ZNF678: variants seen among roughly 807,000 people sequenced by gnomAD.
ZNF678 encodes the protein zinc finger protein 678.
A neutral mutation model predicts 3.0 loss-of-function variants in ZNF678; 5 were observed. The ratio of observed to expected loss-of-function variants is 1.69; its 90% CI spans 0.88 to 3.56. ZNF678 has a LOEUF of 3.56. ZNF678 is among the 30% of genes most tolerant of loss of function. The pLI, the probability that ZNF678 is intolerant of heterozygous loss-of-function variation, is 0.00. For missense variants in ZNF678, 593 were observed against 605.0 expected (o/e 0.98, Z 0.21); for synonymous variants, 218 against 199.6 (o/e 1.09, Z -0.78).
rs187154843 is a variant in ZNF678 at position 227,591,254 on chromosome 1, G to A, written c.-164+27530G>A. Among the ~76,000 whole-genome samples, 6 of 147,666 alleles carry A rather than the reference G, an allele frequency of 4.1e-5. 1 individual carries two copies. Among genetic ancestry groups the A allele is most frequent in the Admixed American group, 4.1e-4 (6 of 14,812 alleles). ...GCTCTATCAATTTTTAGGGTTACAC[G>A]TTCCCCTTTTTTCTAACGAGGATTA... On this transcript the variant is annotated intron_variant, in intron 1 of 3. Coordinates refer to ENST00000343776, the MANE Select transcript of ZNF678 (RefSeq NM_001367909.1).
intron 3 of ZNF678, among the ~76,000 whole-genome samples, chr1:227,653,460 A>G (rs12135976): frequency 0.21 from 31,589 of 151,890 alleles, 3,422 homozygotes; most frequent in East Asian, 0.25. Context: ...TAATTTATAC[A>G]TATTTATTTT....
intron 1 of ZNF678, among the ~76,000 whole-genome samples, chr1:227,599,352 C>A (rs1164876954): frequency 6.6e-6 from 1 of 152,190 alleles, no homozygotes; most frequent in East Asian, 1.9e-4. Flanking sequence ...GAAACCAGGC[C>A]AGAGAGAAGG....
At chr1:227,678,880 A>G (rs150686125), downstream of ZNF678, among the ~76,000 whole-genome samples, 790 of 152,316 alleles carry the variant, frequency 5.2e-3, 8 homozygotes, top group African/African-American at 0.018. Flanking sequence ...AAAATGGAAA[A>G]TGGAAAAAAT....
intron 1 of ZNF678, among the ~76,000 whole-genome samples, chr1:227,621,033 C>T (rs11581704): frequency 0.22 from 33,468 of 151,926 alleles, 4,135 homozygotes; most frequent in African/African-American, 0.33. Flanking sequence ...AGAAGGATTG[C>T]TTAATCTCAG....
At position 227,646,589 on chromosome 1, in the gene ZNF678, G is replaced by A. The variant is rs1038128968; in HGVS notation, c.-118G>A. 7.3e-7 allele frequency: 1 copy of A among 1,372,090 alleles called. No homozygotes were observed. Among genetic ancestry groups the A allele is most frequent in the Non-Finnish European group, 9.8e-7 (1 of 1,024,582 alleles). 85.0% of individuals were successfully genotyped at this position (1,372,090 alleles called of 1,614,324 possible). The stretch of plus-strand genomic sequence containing the variant: ...TGTGGTCATAGAATTCTCTCCAGAG[G>A]AGTGGGCATGCCTGGACCCTGCCCA... On this transcript the variant is annotated 5_prime_UTR_variant, in exon 2 of 4. Coordinates refer to ENST00000343776, the MANE Select transcript of ZNF678 (RefSeq NM_001367909.1).
downstream of ZNF678, among the ~76,000 whole-genome samples, chr1:227,662,662 C>A (rs942031482): frequency 6.6e-6 from 1 of 152,164 alleles, no homozygotes; most frequent in Admixed American, 6.6e-5. Flanking sequence ...CAAGGAATTA[C>A]ATGAGTTTCT....
intron 1 of ZNF678, among the ~76,000 whole-genome samples, chr1:227,641,048 C>T (rs1360879167): frequency 6.6e-6 from 1 of 152,242 alleles, no homozygotes; most frequent in Non-Finnish European, 1.5e-5. Context: ...GGATTTTCCC[C>T]TGCTAACCAG....
chr1:227,664,281 GA>G (rs1335111801), downstream of ZNF678, among the ~76,000 whole-genome samples: 2 of 152,158 alleles, frequency 1.3e-5, no homozygotes, highest in Non-Finnish European at 2.9e-5. Context: ...TCACATCCAA[GA>G]AGACAAAATT....
At chr1:227,631,844 T>G (rs1400007883) in intron 1 of ZNF678, among the ~76,000 whole-genome samples, 1 of 152,236 alleles carries the variant, frequency 6.6e-6, no homozygotes, top group Non-Finnish European at 1.5e-5. Flanking sequence ...GTGAGAGAGA[T>G]AATTCCTCTC....
intron 1 of ZNF678, among the ~76,000 whole-genome samples, chr1:227,634,381 C>T (rs1005304597): frequency 1.3e-5 from 2 of 152,178 alleles, no homozygotes; most frequent in Non-Finnish European, 2.9e-5. Context: ...ATGTGAGGCA[C>T]CAGCTTGGCC....
chr1:227,614,084 C>T (rs766242602), intron 1 of ZNF678, among the ~76,000 whole-genome samples: 4 of 152,156 alleles, frequency 2.6e-5, no homozygotes, highest in Non-Finnish European at 4.4e-5. Context: ...CATCATGTTC[C>T]TCATGTAGAG....
Position 227,654,394 on chromosome 1 carries a change from C to A in ZNF678, c.144C>A (p.Cys48Ter). 6.2e-7 allele frequency: 1 copy of A among 1,605,324 alleles called. No individual in the cohort carries two copies. Among genetic ancestry groups the A allele is most frequent in the Non-Finnish European group, 8.5e-7 (1 of 1,176,424 alleles). The change falls in exon 4 of 4, where the codon TGC becomes TGA. Residue 48 changes from cysteine (C) to a stop codon, truncating the protein, a stop_gained. Coordinates refer to ENST00000343776, the MANE Select transcript of ZNF678 (RefSeq NM_001367909.1). LOFTEE classifies it low-confidence loss of function (END_TRUNC). ...LLPEQDMKDLCQKVTLTRHRS... is the reference protein window; with the variant it reads ...LLPEQDMKDL ...CAGAGCAGGATATGAAAGATTTATGCCAAAAAGTGACACTGACAAGACATA... is the reference window on the plus strand; with the variant it reads ...CAGAGCAGGATATGAAAGATTTATGACAAAAAGTGACACTGACAAGACATA...
intron 2 of ZNF678, among the ~76,000 whole-genome samples, chr1:227,649,220 CAG>C (rs1295901504): frequency 1.3e-5 from 2 of 152,168 alleles, no homozygotes; most frequent in African/African-American, 2.4e-5. Context: ...GTTATATACA[CAG>C]AACTGGGATT....
chr1:227,620,394 G>A (rs776160988), intron 1 of ZNF678, among the ~76,000 whole-genome samples: 2 of 151,922 alleles, frequency 1.3e-5, no homozygotes, highest in Middle Eastern at 3.4e-3. Context: ...TGTTGCCTTC[G>A]TCTTTTGCAC....
At chr1:227,565,022 C>T (rs1045750799) in intron 1 of ZNF678, among the ~76,000 whole-genome samples, 5 of 149,834 alleles carry the variant, frequency 3.3e-5, no homozygotes, top group Non-Finnish European at 5.9e-5. Flanking sequence ...CGTGAGCCAC[C>T]ACGCCTGGCC....
chr1:227,629,273 A>G (rs1458917270), intron 1 of ZNF678, among the ~76,000 whole-genome samples: 2 of 152,128 alleles, frequency 1.3e-5, no homozygotes, highest in African/African-American at 2.4e-5. Context: ...ACTCGTCCAT[A>G]TTGTCCTTCT....
Position 227,563,603 on chromosome 1 carries a change from T to C in ZNF678, c.-285T>C, listed in dbSNP as rs1477156375. ...AGCTTTGGTCCCGTATTCTCGGCTA[T>C]TTATCCCCAGCTGCGGGAGGCCCTG... On this transcript the variant is annotated 5_prime_UTR_variant, in exon 1 of 4. Transcript: ENST00000343776. The C allele has an allele frequency of 4.6e-6, 5 of 1,087,790 alleles. No individual in the cohort carries two copies. The highest frequency in any genetic ancestry group is 6.3e-6 in the Non-Finnish European group (5 of 790,402). 67.4% of individuals were successfully genotyped at this position (1,087,790 alleles called of 1,614,324 possible). A position where few individuals can be genotyped will look rare whatever the true frequency, so the allele number is the denominator to read the frequency against.
chr1:227,636,984 C>T (rs1035146725), intron 1 of ZNF678, among the ~76,000 whole-genome samples: 18 of 152,084 alleles, frequency 1.2e-4, no homozygotes, highest in Non-Finnish European at 5.9e-5. Context: ...CAAGTGAGGG[C>T]GATGAGTTCA....
chr1:227,568,152 G>A (rs1334364127), intron 1 of ZNF678, among the ~76,000 whole-genome samples: 3 of 152,158 alleles, frequency 2.0e-5, no homozygotes, highest in African/African-American at 4.8e-5. Flanking sequence ...TTTATGCCTA[G>A]TGTTCCATTA....
Sources: allele counts gnomAD v4.1 joint callset (sites outside exome capture counted in the v4.1 genomes callset), GRCh38; gene constraint gnomAD v4.1.1; transcripts MANE v1.5; gene names NCBI Gene and HGNC (gene_info 2026-07-23, HGNC 2026-07-21).